GRM8: variants seen among roughly 807,000 people sequenced by gnomAD.
The protein encoded by GRM8 is glutamate metabotropic receptor 8, also known as metabotropic glutamate receptor 8.
Under a neutral mutation model 87.2 loss-of-function variants are expected in GRM8, and 47 were observed. The observed-to-expected ratio is 0.54, with a 90% CI of 0.43 to 0.69. GRM8 has a LOEUF of 0.69. Ranked by LOEUF, GRM8 falls within the 30% of genes least tolerant of loss-of-function variation. GRM8 has a pLI of 0.00. For synonymous variants in GRM8, 396 were observed against 404.5 expected, an observed-to-expected ratio of 0.98 and a Z score of 0.25; for missense variants, 1,019 against 1,139.2, an observed-to-expected ratio of 0.89 and a Z score of 1.52.
At chr7:127,161,591 G>C (rs578152157) in intron 2 of GRM8, among the ~76,000 whole-genome samples, 1 of 152,280 alleles carries the variant, frequency 6.6e-6, no homozygotes, top group South Asian at 2.1e-4. Flanking sequence ...CATGTGTACA[G>C]TAGAGCTGCT....
chr7:127,062,399 T>C (rs1205467296), intron 3 of GRM8, among the ~76,000 whole-genome samples: 1 of 152,118 alleles, frequency 6.6e-6, no homozygotes, highest in Non-Finnish European at 1.5e-5. Context: ...AAAGCAGCAC[T>C]GTAGAAGGAT....
chr7:126,806,031 T>A (rs1477231012), intron 6 of GRM8, among the ~76,000 whole-genome samples: 1 of 152,190 alleles, frequency 6.6e-6, no homozygotes, highest in Non-Finnish European at 1.5e-5. Flanking sequence ...TCCCTGATGT[T>A]CAGCCTACTG....
Position 126,730,277 on chromosome 7 carries a change from G to T in GRM8, c.1357+39588C>A, listed in dbSNP as rs114561999. On this transcript the variant is annotated intron_variant, in intron 7 of 10. Transcript: ENST00000339582. ...TTGGGATCATAATGAAGGCTATGAAGCTTGATCAAAGATTTGAAAGAAAAG... is the reference window on the plus strand; with the variant it reads ...TTGGGATCATAATGAAGGCTATGAATCTTGATCAAAGATTTGAAAGAAAAG... Among the ~76,000 whole-genome samples the T allele has an allele frequency of 5.7e-3, 861 of 152,250 alleles. 10 individuals carry two copies. The highest frequency in any genetic ancestry group is 0.02 in the African/African-American group (828 of 41,550).
chr7:126,711,565 C>G (rs1811096069), intron 7 of GRM8, among the ~76,000 whole-genome samples: 1 of 152,200 alleles, frequency 6.6e-6, no homozygotes. Flanking sequence ...TAGCCCCTAA[C>G]AAGAGAGTCA....
chr7:126,957,033 C>G (rs1392491805), intron 3 of GRM8, among the ~76,000 whole-genome samples: 1 of 152,100 alleles, frequency 6.6e-6, no homozygotes, highest in African/African-American at 2.4e-5. Context: ...GACAGGACCA[C>G]GGTGTGAACA....
chr7:127,201,141 G>T (rs1035106146), intron 2 of GRM8, among the ~76,000 whole-genome samples: 1 of 152,138 alleles, frequency 6.6e-6, no homozygotes, highest in African/African-American at 2.4e-5. Flanking sequence ...TAGGCAGGGT[G>T]ACTGGTCTCT....
intron 7 of GRM8, among the ~76,000 whole-genome samples, chr7:126,705,728 T>C (rs2151412674): frequency 6.6e-6 from 1 of 152,288 alleles, no homozygotes; most frequent in East Asian, 1.9e-4. Flanking sequence ...ACTGTTAAGA[T>C]TTTTCACTGT....
At chr7:126,549,088 T>C (rs1428516342) in intron 8 of GRM8, among the ~76,000 whole-genome samples, 1 of 152,060 alleles carries the variant, frequency 6.6e-6, no homozygotes, top group Non-Finnish European at 1.5e-5. Flanking sequence ...AGAAACCACA[T>C]AAAGCTTCTT....
At position 126,539,717 on chromosome 7, in the gene GRM8, A is replaced by T. The variant is rs756581325; in HGVS notation, c.1495-5830T>A. The stretch of plus-strand genomic sequence containing the variant: ...AATTCAATAAAGAATTTTTTTTTTC[A>T]AAAAATGATGCCAAAATAACTGGAT... On this transcript the variant is annotated intron_variant, in intron 8 of 10. Coordinates refer to ENST00000339582, the MANE Select transcript of GRM8 (RefSeq NM_000845.3). 1.7e-4 allele frequency among the ~76,000 whole-genome samples: 26 copies of T among 151,646 alleles called. 1 individual carries two copies. The highest frequency in any genetic ancestry group is 5.1e-4 in the African/African-American group (21 of 41,258).
intron 3 of GRM8, among the ~76,000 whole-genome samples, chr7:126,914,569 TG>T (rs1429931452): frequency 3.3e-5 from 5 of 152,356 alleles, no homozygotes; most frequent in African/African-American, 9.6e-5. Flanking sequence ...AGCTATACAC[TG>T]TGTAATGCTA....
chr7:126,602,248 T>G (rs963577425), intron 8 of GRM8, among the ~76,000 whole-genome samples: 1 of 145,910 alleles, frequency 6.9e-6, no homozygotes, highest in Non-Finnish European at 1.5e-5. Context: ...GTTGTAGGTA[T>G]GCGGCATTAT....
intron 10 of GRM8, among the ~76,000 whole-genome samples, chr7:126,440,626 A>G (rs1484315466): frequency 1.3e-5 from 2 of 152,058 alleles, no homozygotes; most frequent in Non-Finnish European, 2.9e-5. Flanking sequence ...ATATACAAAT[A>G]TCATTGCATT....
At chr7:127,151,735 G>A (rs118166946) in intron 2 of GRM8, among the ~76,000 whole-genome samples, 30 of 152,116 alleles carry the variant, frequency 2.0e-4, no homozygotes, top group South Asian at 4.1e-4. Flanking sequence ...AATCTCTTCC[G>A]TATGATAAAA....
At chr7:127,003,220 T>C (rs1180757881) in intron 3 of GRM8, among the ~76,000 whole-genome samples, 1 of 151,770 alleles carries the variant, frequency 6.6e-6, no homozygotes, top group Non-Finnish European at 1.5e-5. Context: ...CATGGGACAC[T>C]TTACAACTGA....
chr7:126,608,468 A>G (rs1281208536), intron 8 of GRM8, among the ~76,000 whole-genome samples: 1 of 152,176 alleles, frequency 6.6e-6, no homozygotes, highest in Admixed American at 6.5e-5. Context: ...TTGGGCACCA[A>G]TCCCAGGCCT....
chr7:126,537,051 C>T (rs1815858319), intron 8 of GRM8, among the ~76,000 whole-genome samples: 1 of 152,060 alleles, frequency 6.6e-6, no homozygotes, highest in Admixed American at 6.6e-5. Context: ...TCATTATAAG[C>T]TAAATGTGAA....
chr7:126,776,098 G>A (rs1010780572), intron 6 of GRM8, among the ~76,000 whole-genome samples: 1 of 152,014 alleles, frequency 6.6e-6, no homozygotes, highest in Non-Finnish European at 1.5e-5. Context: ...TAAATACTAG[G>A]CTTAAATACT....
At position 127,130,943 on chromosome 7, in the gene GRM8, C is replaced by A. The variant is rs192259159; in HGVS notation, c.511-24231G>T. Among the ~76,000 whole-genome samples the A allele has an allele frequency of 2.6e-5, 4 of 152,294 alleles. No individual in the cohort carries two copies. In the East Asian group the frequency reaches 7.7e-4, roughly 29 times the overall value. On this transcript the variant is annotated intron_variant, in intron 2 of 10. Coordinates refer to ENST00000339582, the MANE Select transcript of GRM8 (RefSeq NM_000845.3). ...CATGCAGAACTGTGAGTCAATTAAA[C>A]CTTTCTTTATAGATTACCCAGTCTC...
intron 3 of GRM8, among the ~76,000 whole-genome samples, chr7:127,031,521 A>T (rs1817363651): frequency 6.6e-6 from 1 of 152,052 alleles, no homozygotes; most frequent in Non-Finnish European, 1.5e-5. Flanking sequence ...TGGTGCCCTC[A>T]TGCAGTTCAC....
Sources: allele counts gnomAD v4.1 joint callset (sites outside exome capture counted in the v4.1 genomes callset), GRCh38; gene constraint gnomAD v4.1.1; transcripts MANE v1.5; gene names NCBI Gene and HGNC (gene_info 2026-07-23, HGNC 2026-07-21).